FRMD5: variants seen among roughly 807,000 people sequenced by gnomAD.
FRMD5 encodes the protein FERM domain-containing protein 5.
A neutral mutation model predicts 69.0 loss-of-function variants in FRMD5; 20 were observed. That is an observed-to-expected ratio of 0.29 (90% CI 0.20 to 0.42). FRMD5 has a LOEUF of 0.42. Among genes scored for constraint, FRMD5 ranks in the 10% least tolerant of loss-of-function variants. The probability of loss-of-function intolerance (pLI) is 1.00; values close to 1 mark genes in which losing one functional copy is unlikely to be tolerated. For synonymous variants in FRMD5, 271 were observed against 260.1 expected (o/e 1.04, Z -0.40); for missense variants, 595 against 708.6 (o/e 0.84, Z 1.82).
At position 43,905,772 on chromosome 15, in the gene FRMD5, C is replaced by T. The variant is rs150849282; in HGVS notation, c.551+56G>A. The T allele has an allele frequency of 8.9e-4, 1,423 of 1,596,954 alleles. 3 individuals carry two copies. The Middle Eastern group carries it at 9.7e-3, about 11-fold the overall frequency. On this transcript the variant is annotated intron_variant, in intron 6 of 13. Coordinates refer to ENST00000417257, the MANE Select transcript of FRMD5 (RefSeq NM_032892.5). ...AACAGAGGACACGGCGTGGAGCCTG[C>T]GTGCTCAGGCTGTGGAGAAGCCACA...
At chr15:43,890,352 A>G (rs538376027) in intron 8 of FRMD5, among the ~76,000 whole-genome samples, 1 of 152,288 alleles carries the variant, frequency 6.6e-6, no homozygotes, top group East Asian at 1.9e-4. Context: ...TGGAAAGAAA[A>G]GTGTCTGTGA....
At chr15:44,133,537 C>A (rs1263188010) in intron 1 of FRMD5, among the ~76,000 whole-genome samples, 2 of 137,656 alleles carry the variant, frequency 1.5e-5, no homozygotes, top group Non-Finnish European at 3.0e-5. Context: ...GATCGCACCA[C>A]TGCACTCCAA....
intron 1 of FRMD5, among the ~76,000 whole-genome samples, chr15:44,088,867 G>C (rs1031394486): frequency 5.3e-5 from 8 of 152,156 alleles, no homozygotes; most frequent in Admixed American, 1.3e-4. Flanking sequence ...TCTGAACCCT[G>C]TTCAGTCTGA....
chr15:43,925,135 G>GCT (rs983071908), intron 1 of FRMD5, among the ~76,000 whole-genome samples: 1 of 151,320 alleles, frequency 6.6e-6, no homozygotes, highest in Non-Finnish European at 1.5e-5. Flanking sequence ...CTCCCAAGTA[G>GCT]CTGGGATTAC....
intron 6 of FRMD5, 69 bp from the exon 7 acceptor site, chr15:43,902,331 T>A (rs2089066441): frequency 1.6e-6 from 2 of 1,270,954 alleles, no homozygotes; most frequent in Non-Finnish European, 2.3e-6. Flanking sequence ...GTAAACTCTC[T>A]ATGAAGATGT....
intron 1 of FRMD5, among the ~76,000 whole-genome samples, chr15:43,933,721 C>A (rs1380707079): frequency 1.3e-5 from 2 of 152,196 alleles, no homozygotes; most frequent in South Asian, 2.1e-4. Context: ...CTTCTTCCTA[C>A]CAGGTTTTTA....
chr15:43,912,107 T>A (rs1228223789), intron 4 of FRMD5, among the ~76,000 whole-genome samples: 1 of 152,046 alleles, frequency 6.6e-6, no homozygotes, highest in African/African-American at 2.4e-5. Context: ...TTTAACAAGA[T>A]CCCCAGGTGA....
rs75665279 is a variant in FRMD5 at position 44,099,889 on chromosome 15, C to T, written c.102+95064G>A. 6.6e-4 allele frequency among the ~76,000 whole-genome samples: 101 copies of T among 152,038 alleles called. 2 individuals carry two copies. The East Asian group carries it at 0.019, about 28-fold the overall frequency. ...AAAGATAAGCTTGTATGAGTTCAAC[C>T]GAACTATTCTGATTAAGCAATTTTT... is the stretch of plus-strand genomic sequence containing the variant. On this transcript the variant is annotated intron_variant, in intron 1 of 13. Transcript: ENST00000417257.
chr15:44,163,098 C>A (rs2077650019), intron 1 of FRMD5, among the ~76,000 whole-genome samples: 1 of 151,912 alleles, frequency 6.6e-6, no homozygotes, highest in African/African-American at 2.4e-5. Flanking sequence ...AGCGTGAACC[C>A]GAGAGGCGGA....
intron 1 of FRMD5, among the ~76,000 whole-genome samples, chr15:44,032,980 T>C (rs1891750457): frequency 6.6e-6 from 1 of 152,120 alleles, no homozygotes; most frequent in Non-Finnish European, 1.5e-5. Flanking sequence ...AATGACAGAT[T>C]GCATAAAGAA....
chr15:43,960,997 A>C (rs967004397), intron 1 of FRMD5, among the ~76,000 whole-genome samples: 1 of 152,216 alleles, frequency 6.6e-6, no homozygotes, highest in East Asian at 1.9e-4. Context: ...AAAGAACTAG[A>C]AAAGCAAGAG....
At chr15:43,925,358 T>C (rs189369814) in intron 1 of FRMD5, among the ~76,000 whole-genome samples, 1 of 152,196 alleles carries the variant, frequency 6.6e-6, no homozygotes, top group Non-Finnish European at 1.5e-5. Flanking sequence ...TACATACATA[T>C]ACATCTCCTC....
intron 1 of FRMD5, among the ~76,000 whole-genome samples, chr15:43,961,948 A>G (rs994953077): frequency 6.6e-6 from 1 of 152,224 alleles, no homozygotes; most frequent in Non-Finnish European, 1.5e-5. Flanking sequence ...AGCCAATATC[A>G]TACTGAATGG....
intron 1 of FRMD5, among the ~76,000 whole-genome samples, chr15:43,957,888 T>G (rs1358019134): frequency 6.6e-6 from 1 of 152,220 alleles, no homozygotes; most frequent in Non-Finnish European, 1.5e-5. Flanking sequence ...CTCTTCCTCC[T>G]TAACACACAG....
rs2088217540 is a variant in FRMD5, at chr15:43,873,373, T to C, written c.*512A>G. The C allele has an allele frequency of 1.4e-6, 2 of 1,457,572 alleles. No homozygotes were observed. The highest frequency in any genetic ancestry group is 1.8e-6 in the Non-Finnish European group (2 of 1,113,016). The allele number at this position is 1,457,572 out of a possible 1,614,324, so 90.3% of individuals were successfully genotyped here. On this transcript the variant is annotated 3_prime_UTR_variant, in exon 14 of 14. Transcript: ENST00000417257. ...CAAACAAAAAACTAAACAGTCCCCA[T>C]TGTCCAGATCCCTGGCCTGCCCTGC...
At chr15:44,033,288 AT>A (rs1891767118) in intron 1 of FRMD5, among the ~76,000 whole-genome samples, 1 of 152,146 alleles carries the variant, frequency 6.6e-6, no homozygotes, top group Non-Finnish European at 1.5e-5. Flanking sequence ...TAACTATTGG[AT>A]ACTGGGCTTA....
At chr15:44,089,352 C>A (rs1288013555) in intron 1 of FRMD5, among the ~76,000 whole-genome samples, 2 of 152,142 alleles carry the variant, frequency 1.3e-5, no homozygotes, top group African/African-American at 4.8e-5. Context: ...GAACTGACCA[C>A]TCCTTGTCAG....
intron 1 of FRMD5, among the ~76,000 whole-genome samples, chr15:44,145,046 T>C (rs2077335868): frequency 6.6e-6 from 1 of 152,210 alleles, no homozygotes; most frequent in Admixed American, 6.5e-5. Context: ...TTTACTAAAA[T>C]TTAAAATTAA....
intron 1 of FRMD5, among the ~76,000 whole-genome samples, chr15:44,109,776 A>G (rs565486358): frequency 1.2e-4 from 18 of 152,192 alleles, no homozygotes; most frequent in Non-Finnish European, 1.8e-4. Context: ...GAAGAGTTTT[A>G]CTGCCCTAAA....
Sources: gnomAD v4.1 joint callset for allele counts (sites outside exome capture counted in the v4.1 genomes callset) on GRCh38, gnomAD v4.1.1 for gene constraint, MANE v1.5 for transcripts, NCBI Gene and HGNC (gene_info 2026-07-23, HGNC 2026-07-21) for gene names.